Variants in RIC1 observed in about 807,000 individuals in gnomAD.
RIC1 encodes the protein guanine nucleotide exchange factor subunit RIC1.
RIC1 carries 88 observed loss-of-function variants against 169.0 expected under a neutral mutation model. That is an observed-to-expected ratio of 0.52 (90% confidence interval 0.44 to 0.62). The LOEUF is 0.62. Among genes scored for constraint, RIC1 ranks in the 20% least tolerant of loss-of-function variants. The pLI is 0.00. For synonymous variants in RIC1, 790 were observed against 601.5 expected (o/e 1.31, Z -4.59); for missense variants, 1,877 against 1,725.5 (o/e 1.09, Z -1.56).
intron 17 of RIC1, 57 bp downstream of exon 17, chr9:5,757,508 G>T (rs1826079375): frequency 6.4e-7 from 1 of 1,569,864 alleles, no homozygotes; most frequent in Non-Finnish European, 8.8e-7. Context: ...TAGTATTTGA[G>T]TCCATATTAG....
chr9:5,630,831 T>G (rs1174332633), intron 1 of RIC1, among the ~76,000 whole-genome samples: 1 of 152,236 alleles, frequency 6.6e-6, no homozygotes, highest in Non-Finnish European at 1.5e-5. Flanking sequence ...GATATTCGTT[T>G]ACAATGTATA....
At chr9:5,739,450 C>G (rs1824931137) in intron 8 of RIC1, among the ~76,000 whole-genome samples, 1 of 152,162 alleles carries the variant, frequency 6.6e-6, no homozygotes, top group African/African-American at 2.4e-5. Flanking sequence ...TGCCTACTCT[C>G]CAGATTTCTA....
At chr9:5,630,934 T>C (rs1292300295) in intron 1 of RIC1, among the ~76,000 whole-genome samples, 1 of 152,250 alleles carries the variant, frequency 6.6e-6, no homozygotes, top group African/African-American at 2.4e-5. Flanking sequence ...TAAATTGTCT[T>C]TTGAATTTAA....
chr9:5,679,131 G>A (rs1205178367), intron 2 of RIC1, among the ~76,000 whole-genome samples: 1 of 152,096 alleles, frequency 6.6e-6, no homozygotes, highest in Admixed American at 6.6e-5. Context: ...TTTTTGTCAG[G>A]TTTGTCCAAG....
intron 1 of RIC1, among the ~76,000 whole-genome samples, chr9:5,648,600 C>T (rs1818648786): frequency 6.6e-6 from 1 of 152,286 alleles, no homozygotes; most frequent in South Asian, 2.1e-4. Flanking sequence ...AATCTTCATA[C>T]TGTTTTTGGT....
chr9:5,683,808 C>A (rs369052989), intron 2 of RIC1, among the ~76,000 whole-genome samples: 1 of 152,214 alleles, frequency 6.6e-6, no homozygotes, highest in Non-Finnish European at 1.5e-5. Context: ...TTCAACTTCC[C>A]GGCTGCTTTG....
At position 5,732,902 on chromosome 9, in the gene RIC1, G is replaced by T. The variant is rs1024552248; in HGVS notation, c.812+423G>T. ...AATTTAAAGTGCACATATAAAACCAGTTTCTTGCCTTAGTTTATTAAATAG... is the reference window on the plus strand; with the variant it reads ...AATTTAAAGTGCACATATAAAACCATTTTCTTGCCTTAGTTTATTAAATAG... On this transcript the variant is annotated intron_variant, in intron 7 of 25. Coordinates refer to ENST00000414202, the MANE Select transcript of RIC1 (RefSeq NM_020829.4). 2.6e-5 allele frequency among the ~76,000 whole-genome samples: 4 copies of T among 152,010 alleles called. No homozygotes were observed. The South Asian group carries it at 8.3e-4, about 32-fold the overall frequency.
intron 1 of RIC1, among the ~76,000 whole-genome samples, chr9:5,650,486 G>T (rs1818745141): frequency 6.6e-6 from 1 of 152,088 alleles, no homozygotes; most frequent in Non-Finnish European, 1.5e-5. Flanking sequence ...GCATGTGCAT[G>T]TCCACTGTGG....
At chr9:5,762,450 G>T in intron 17 of RIC1, 91 bp from the exon 18 acceptor site, 1 of 1,459,476 alleles carries the variant, frequency 6.9e-7, no homozygotes, top group Non-Finnish European at 9.4e-7. Flanking sequence ...AATGTAGATT[G>T]TTTGACCTAT....
At chr9:5,718,871 A>C (rs896190306) in intron 4 of RIC1, 1 of 152,178 alleles carries the variant, frequency 6.6e-6, no homozygotes, top group African/African-American at 2.4e-5. Context: ...GTTGGGGAAA[A>C]AACAGCAAAT....
chr9:5,702,794 G>A (rs527774051), intron 3 of RIC1, among the ~76,000 whole-genome samples: 2 of 152,074 alleles, frequency 1.3e-5, no homozygotes, highest in South Asian at 2.1e-4. Flanking sequence ...CATTCTGCCC[G>A]ACTTGGCCTC....
At chr9:5,675,899 G>C (rs1820412696) in intron 2 of RIC1, among the ~76,000 whole-genome samples, 1 of 152,150 alleles carries the variant, frequency 6.6e-6, no homozygotes, top group South Asian at 2.1e-4. Flanking sequence ...GTAAATTATT[G>C]ATCTTGAAAC....
At chr9:5,643,956 G>A (rs1294263199) in intron 1 of RIC1, among the ~76,000 whole-genome samples, 1 of 152,138 alleles carries the variant, frequency 6.6e-6, no homozygotes, top group African/African-American at 2.4e-5. Context: ...TTGAGTTGCT[G>A]TCACAAATCT....
intron 2 of RIC1, among the ~76,000 whole-genome samples, chr9:5,673,463 A>G (rs1441817791): frequency 1.3e-5 from 2 of 150,334 alleles, no homozygotes; most frequent in South Asian, 4.2e-4. Context: ...ATGTACATAC[A>G]TACACTTTGA....
intron 1 of RIC1, among the ~76,000 whole-genome samples, chr9:5,642,576 C>T (rs768543901): frequency 1.4e-5 from 2 of 144,698 alleles, no homozygotes; most frequent in Non-Finnish European, 3.0e-5. Context: ...ATATTCTGTT[C>T]TGTTGTGGCT....
intron 3 of RIC1, among the ~76,000 whole-genome samples, chr9:5,698,896 G>T (rs1392894858): frequency 6.6e-6 from 1 of 152,162 alleles, no homozygotes; most frequent in East Asian, 1.9e-4. Flanking sequence ...TTCATTAACT[G>T]CGAGGTTTTA....
In RIC1 at chr9:5,675,595, G is replaced by A. The variant is rs562550749; in HGVS notation, c.253-14364G>A. Among the ~76,000 whole-genome samples, 22 of 152,078 alleles carry A rather than the reference G, an allele frequency of 1.4e-4. No individual in the cohort carries two copies. In the East Asian group the frequency reaches 2.3e-3, roughly 16 times the overall value. On this transcript the variant is annotated intron_variant, in intron 2 of 25. Coordinates refer to ENST00000414202, the MANE Select transcript of RIC1 (RefSeq NM_020829.4). ...CTTCTTTGTTGTCTTAATATTTAGC[G>A]TAATATAAAAGGTAGTCACTTAATA...
intron 2 of RIC1, among the ~76,000 whole-genome samples, chr9:5,686,804 G>A (rs1469717840): frequency 6.6e-6 from 1 of 152,026 alleles, no homozygotes; most frequent in Non-Finnish European, 1.5e-5. Context: ...ATGTTAATGA[G>A]GGATCTTGGC....
rs1439208713 is a variant in RIC1, at chr9:5,702,746, C to CA, written c.333-11150_333-11149insA. 3.9e-5 allele frequency among the ~76,000 whole-genome samples: 6 copies of CA among 152,206 alleles called. No homozygotes were observed. The South Asian group carries it at 1.2e-3, about 32-fold the overall frequency. On this transcript the variant is annotated intron_variant, in intron 3 of 25. Transcript: ENST00000414202. Reference sequence around the variant, plus strand: ...TATTTTAGTGGAGACAGGCTTTCACCCTGTTGCCCAGGCTGGTCTCGAACT... The same window carrying CA: ...TATTTTAGTGGAGACAGGCTTTCACCACTGTTGCCCAGGCTGGTCTCGAACT...
Sources: gnomAD v4.1 joint callset for allele counts (sites outside exome capture counted in the v4.1 genomes callset) on GRCh38, gnomAD v4.1.1 for gene constraint, MANE v1.5 for transcripts, NCBI Gene and HGNC (gene_info 2026-07-23, HGNC 2026-07-21) for gene names.